PIK3CA: variants seen among roughly 807,000 people sequenced by gnomAD.
PIK3CA encodes phosphatidylinositol-4,5-bisphosphate 3-kinase catalytic subunit alpha.
PIK3CA carries 27 observed loss-of-function variants against 138.2 expected under a neutral mutation model. That is an observed-to-expected ratio of 0.20 (90% CI 0.14 to 0.27). The LOEUF (loss-of-function observed/expected upper bound fraction) is 0.27. Ranked by LOEUF, PIK3CA falls within the 10% of genes least tolerant of loss-of-function variation. The probability of loss-of-function intolerance (pLI) is 1.00; values close to 1 mark genes in which losing one functional copy is unlikely to be tolerated. For missense variants in PIK3CA, 544 were observed against 1,277.4 expected, an observed-to-expected ratio of 0.43 and a Z score of 8.75; for synonymous variants, 358 against 413.2, an observed-to-expected ratio of 0.87 and a Z score of 1.62.
intron 16 of PIK3CA, among the ~76,000 whole-genome samples, 163 bp from the exon 17 acceptor site, chr3:179,225,799 T>C (rs1345677076): frequency 1.3e-5 from 2 of 152,112 alleles, no homozygotes; most frequent in Admixed American, 1.3e-4. Flanking sequence ...TATACACTCA[T>C]TTATAAATTT....
chr3:179,155,392 GC>G (rs1723109522), intron 1 of PIK3CA, among the ~76,000 whole-genome samples: 1 of 152,096 alleles, frequency 6.6e-6, no homozygotes, highest in African/African-American at 2.4e-5. Flanking sequence ...ATTGCTGTGT[GC>G]CAGTCTTATT....
chr3:179,214,227 G>C (rs991121013), intron 9 of PIK3CA, among the ~76,000 whole-genome samples: 1 of 152,180 alleles, frequency 6.6e-6, no homozygotes, highest in African/African-American at 2.4e-5. Context: ...CAGAGGCCTA[G>C]CCTTGGCCTG....
At chr3:179,197,545 T>C (rs974128974) in intron 1 of PIK3CA, among the ~76,000 whole-genome samples, 1 of 152,232 alleles carries the variant, frequency 6.6e-6, no homozygotes, top group Non-Finnish European at 1.5e-5. Flanking sequence ...GCAAGGGCCA[T>C]GTCTATCTTA....
chr3:179,214,059 A>G (rs1724782254), intron 9 of PIK3CA, among the ~76,000 whole-genome samples: 1 of 152,252 alleles, frequency 6.6e-6, no homozygotes, highest in East Asian at 1.9e-4. Flanking sequence ...GACTTAAGGA[A>G]AAGTTGTGGC....
At chr3:179,159,731 T>G (rs1723229636) in intron 1 of PIK3CA, among the ~76,000 whole-genome samples, 1 of 152,150 alleles carries the variant, frequency 6.6e-6, no homozygotes, top group Admixed American at 6.5e-5. Flanking sequence ...AAATGCATCA[T>G]TAGATGATTT....
At chr3:179,158,689 C>G (rs1723200097) in intron 1 of PIK3CA, among the ~76,000 whole-genome samples, 1 of 152,114 alleles carries the variant, frequency 6.6e-6, no homozygotes, top group Non-Finnish European at 1.5e-5. Context: ...ACCTAGGACA[C>G]TCAATGGACA....
intron 9 of PIK3CA, among the ~76,000 whole-genome samples, chr3:179,211,490 T>A (rs769191994): frequency 8.6e-5 from 13 of 152,020 alleles, no homozygotes; most frequent in Middle Eastern, 3.4e-3. Context: ...GCAAACATGG[T>A]GAAATCCCGT....
intron 17 of PIK3CA, among the ~76,000 whole-genome samples, chr3:179,228,123 T>C (rs1725125268): frequency 6.6e-6 from 1 of 152,072 alleles, no homozygotes; most frequent in South Asian, 2.1e-4. Context: ...TTGCCAATGA[T>C]AAAATTCAAA....
At position 179,183,487 on chromosome 3, in the gene PIK3CA, G is replaced by A. The variant is rs374715985; in HGVS notation, c.-76-15263G>A. On this transcript the variant is annotated intron_variant, in intron 1 of 20. Transcript: ENST00000263967. ...TTATGGATTTATCTGATTAATTTATGTAGAGCCAGGAAAAAGTTGTTTTGA... is the reference window on the plus strand; with the variant it reads ...TTATGGATTTATCTGATTAATTTATATAGAGCCAGGAAAAAGTTGTTTTGA... Among the ~76,000 whole-genome samples the A allele has an allele frequency of 8.5e-5, 13 of 152,256 alleles. No individual in the cohort carries two copies. The East Asian group carries it at 9.6e-4, about 11-fold the overall frequency.
chr3:179,177,088 T>G (rs1723715160), intron 1 of PIK3CA, among the ~76,000 whole-genome samples: 1 of 152,188 alleles, frequency 6.6e-6, no homozygotes, highest in African/African-American at 2.4e-5. Flanking sequence ...AAACTTTGTA[T>G]TTATAGCCTT....
At chr3:179,179,681 T>G (rs889134476) in intron 1 of PIK3CA, among the ~76,000 whole-genome samples, 2 of 152,218 alleles carry the variant, frequency 1.3e-5, no homozygotes, top group Non-Finnish European at 2.9e-5. Flanking sequence ...AATTAACTAC[T>G]GAGAAACATT....
At chr3:179,175,212 A>AT (rs986909078) in intron 1 of PIK3CA, among the ~76,000 whole-genome samples, 4 of 151,996 alleles carry the variant, frequency 2.6e-5, no homozygotes, top group African/African-American at 9.7e-5. Context: ...TTTTTTTGAG[A>AT]TTTTACATAC....
At chr3:179,154,465 C>T (rs1194889042) in intron 1 of PIK3CA, among the ~76,000 whole-genome samples, 1 of 152,172 alleles carries the variant, frequency 6.6e-6, no homozygotes, top group Non-Finnish European at 1.5e-5. Context: ...CAAACCATCG[C>T]CCCCACACTT....
intron 6 of PIK3CA, 110 bp downstream of exon 6, chr3:179,204,698 C>A: frequency 1.8e-6 from 1 of 552,528 alleles, no homozygotes; most frequent in Non-Finnish European, 3.4e-6. Context: ...AAGCAAGACC[C>A]CATTTCTACA....
intron 20 of PIK3CA, chr3:179,233,215 T>C (rs1472488319): frequency 2.5e-6 from 1 of 397,346 alleles, no homozygotes; most frequent in East Asian, 3.6e-5. Context: ...GATTATGTCA[T>C]TGGTAAACAG....
rs2108413122 is a variant in PIK3CA, at chr3:179,220,958, TA to T, written c.2016-27del. The stretch of plus-strand genomic sequence containing the variant: ...ATACTGATTTAAGACTATATATATA[TA>T]TTTTTAATTTTGCACGATTCTTTTA... On this transcript the variant is annotated intron_variant, in intron 13 of 20. Coordinates refer to ENST00000263967, the MANE Select transcript of PIK3CA (RefSeq NM_006218.4). This position sits in a 1 kb window ranked among gnomAD's most constrained non-coding sequence, Gnocchi z 4.1. 9 of 1,490,824 alleles carry T rather than the reference TA, an allele frequency of 6.0e-6. No individual in the cohort carries two copies. In the East Asian group the frequency reaches 9.8e-5, roughly 16 times the overall value. The allele number at this position is 1,490,824 out of a possible 1,614,324, so 92.3% of individuals were successfully genotyped here.
chr3:179,239,364 G>A lies in PIK3CA; in HGVS notation c.*5000G>A, dbSNP rs1042128471. The stretch of plus-strand genomic sequence containing the variant: ...GGCAAGGAGGCAGAAAACCTTCATT[G>A]TTTCATATTAAAATATAATTAGACT... On this transcript the variant is annotated 3_prime_UTR_variant, in exon 21 of 21. Transcript: ENST00000263967. The A allele has an allele frequency of 5.0e-6, 1 of 198,072 alleles. No individual in the cohort carries two copies. The highest frequency in any genetic ancestry group is 2.3e-5 in the African/African-American group (1 of 43,336). 12.3% of individuals were successfully genotyped at this position (198,072 alleles called of 1,614,324 possible).
intron 1 of PIK3CA, among the ~76,000 whole-genome samples, chr3:179,178,401 A>T (rs1369053552): frequency 6.6e-6 from 1 of 152,172 alleles, no homozygotes; most frequent in Non-Finnish European, 1.5e-5. Flanking sequence ...GATTTCCACC[A>T]TCATTATTAG....
chr3:179,212,260 G>A (rs1366246990), intron 9 of PIK3CA, among the ~76,000 whole-genome samples: 8 of 147,816 alleles, frequency 5.4e-5, no homozygotes, highest in East Asian at 2.1e-4. Flanking sequence ...CACCCGCCTC[G>A]GCCTCCCAAA....
Sources: gnomAD v4.1 joint callset for allele counts (sites outside exome capture counted in the v4.1 genomes callset) on GRCh38, gnomAD v4.1.1 for gene constraint, Gnocchi (gnomAD v3.1) non-coding constraint, MANE v1.5 for transcripts, NCBI Gene and HGNC (gene_info 2026-07-23, HGNC 2026-07-21) for gene names.